Variants in CADM2 observed in about 807,000 individuals in gnomAD.
CADM2 encodes immunoglobulin superfamily member 4D.
A neutral mutation model predicts 49.8 loss-of-function variants in CADM2; 12 were observed. That is an observed-to-expected ratio of 0.24 (90% confidence interval 0.15 to 0.39). The LOEUF (loss-of-function observed/expected upper bound fraction) is 0.39. Among genes scored for constraint, CADM2 ranks in the 10% least tolerant of loss-of-function variants. The pLI is 1.00. For missense variants in CADM2, 378 were observed against 492.3 expected, an observed-to-expected ratio of 0.77 and a Z score of 2.20; for synonymous variants, 214 against 175.4, an observed-to-expected ratio of 1.22 and a Z score of -1.74.
intron 1 of CADM2, among the ~76,000 whole-genome samples, chr3:85,619,538 A>G (rs1484822331): frequency 6.6e-6 from 1 of 152,054 alleles, no homozygotes; most frequent in Non-Finnish European, 1.5e-5. Flanking sequence ...TTGCTACCAT[A>G]TGTTGAATTC....
At chr3:85,592,205 T>G (rs2063126104) in intron 1 of CADM2, among the ~76,000 whole-genome samples, 1 of 151,960 alleles carries the variant, frequency 6.6e-6, no homozygotes, top group Non-Finnish European at 1.5e-5. Context: ...TATTATCTAA[T>G]GCAAACACAA....
At chr3:86,055,451 CTTTTTTTTTT>C (rs57606781) in intron 8 of CADM2, among the ~76,000 whole-genome samples, 17 of 87,502 alleles carry the variant, frequency 1.9e-4, no homozygotes, top group Admixed American at 1.1e-3. Flanking sequence ...GGCATCCCCT[CTTTTTTTTTT>C]TTTTTTTTTT....
chr3:85,639,429 A>G (rs558754548), intron 1 of CADM2, among the ~76,000 whole-genome samples: 1 of 152,296 alleles, frequency 6.6e-6, no homozygotes, highest in South Asian at 2.1e-4. Context: ...AGATACAGGA[A>G]AAGGTGTCAA....
intron 3 of CADM2, among the ~76,000 whole-genome samples, chr3:85,816,760 C>A (rs755885172): frequency 6.6e-6 from 1 of 151,972 alleles, no homozygotes; most frequent in African/African-American, 2.4e-5. Flanking sequence ...ACACACACAG[C>A]GACTCGCTAA....
At chr3:85,835,936 C>G (rs1260816008) in intron 3 of CADM2, among the ~76,000 whole-genome samples, 2 of 150,956 alleles carry the variant, frequency 1.3e-5, no homozygotes, top group African/African-American at 4.9e-5. Flanking sequence ...CTAGTTAATT[C>G]CTGGCTATAA....
intron 2 of CADM2, among the ~76,000 whole-genome samples, chr3:85,741,242 T>A (rs2068371283): frequency 2.0e-5 from 3 of 152,166 alleles, no homozygotes; most frequent in Admixed American, 2.0e-4. Flanking sequence ...ATCGCTGCCC[T>A]GTTTATATTT....
chr3:85,782,610 C>T (rs1193468739), intron 2 of CADM2, among the ~76,000 whole-genome samples: 3 of 148,984 alleles, frequency 2.0e-5, no homozygotes, highest in Non-Finnish European at 3.0e-5. Context: ...GAGCCAAGAT[C>T]GTGCCACTGT....
intron 1 of CADM2, among the ~76,000 whole-genome samples, chr3:85,371,618 A>ACT (rs1553714783): frequency 7.4e-5 from 1 of 13,430 alleles, no homozygotes; most frequent in Non-Finnish European, 2.3e-4. Context: ...GCCACACATC[A>ACT]CTGTGTGTGT....
In CADM2 at chr3:85,389,898, CT is replaced by C. The variant is rs139856099; in HGVS notation, c.62-336623del. Among the ~76,000 whole-genome samples the C allele has an allele frequency of 3.8e-3, 580 of 152,048 alleles. 4 individuals carry two copies. The highest frequency in any genetic ancestry group is 0.012 in the African/African-American group (517 of 41,502). ...TCTACTCTTCCTATTTAATGATTTT[CT>C]GAAGAGAATTGTTGATAAAAGGGCA... On this transcript the variant is annotated intron_variant, in intron 1 of 9. Coordinates refer to ENST00000383699, the MANE Select transcript of CADM2 (RefSeq NM_001167675.2).
chr3:85,631,010 G>C (rs1378475392), intron 1 of CADM2, among the ~76,000 whole-genome samples: 4 of 151,794 alleles, frequency 2.6e-5, no homozygotes, highest in Non-Finnish European at 5.9e-5. Context: ...ACTTGTACCT[G>C]GATTAAAATA....
At chr3:85,119,075 G>C (rs560821603) in intron 1 of CADM2, among the ~76,000 whole-genome samples, 1 of 152,222 alleles carries the variant, frequency 6.6e-6, no homozygotes, top group East Asian at 1.9e-4. Flanking sequence ...CAAATGAAAA[G>C]AATCTCCTTA....
At chr3:86,002,279 C>T (rs17023752) in intron 8 of CADM2, among the ~76,000 whole-genome samples, 2 of 152,114 alleles carry the variant, frequency 1.3e-5, no homozygotes, top group Admixed American at 1.3e-4. Flanking sequence ...TTTGAATCCA[C>T]GGGATCGATG....
intron 1 of CADM2, among the ~76,000 whole-genome samples, chr3:85,221,572 G>C (rs1427688096): frequency 6.6e-6 from 1 of 152,130 alleles, no homozygotes; most frequent in Non-Finnish European, 1.5e-5. Flanking sequence ...TATTTTGGAA[G>C]TTACCCTGTA....
At chr3:85,877,530 C>T (rs552943794) in intron 3 of CADM2, among the ~76,000 whole-genome samples, 10 of 151,904 alleles carry the variant, frequency 6.6e-5, no homozygotes, top group African/African-American at 2.2e-4. Context: ...TTTGGGAAAC[C>T]GTAAGGTAAA....
chr3:85,617,611 C>T lies in CADM2; in HGVS notation c.62-108911C>T, dbSNP rs188569881. Among the ~76,000 whole-genome samples, 419 of 152,288 alleles carry T rather than the reference C, an allele frequency of 2.8e-3. 1 individual carries two copies. The highest frequency in any genetic ancestry group is 9.7e-3 in the African/African-American group (402 of 41,574). The stretch of plus-strand genomic sequence containing the variant: ...ATTGGCTGTTGTTGATCAGCTTAAT[C>T]TTCAGCCTGCCCCCTTTCCTCGGAG... On this transcript the variant is annotated intron_variant, in intron 1 of 9. Coordinates refer to ENST00000383699, the MANE Select transcript of CADM2 (RefSeq NM_001167675.2).
intron 2 of CADM2, among the ~76,000 whole-genome samples, chr3:85,732,812 T>C (rs2067986585): frequency 6.6e-6 from 1 of 152,178 alleles, no homozygotes; most frequent in Non-Finnish European, 1.5e-5. Context: ...TTAAGAAATT[T>C]AAGTTCACAA....
chr3:84,967,460 G>A (rs2031088279), intron 1 of CADM2, among the ~76,000 whole-genome samples: 1 of 152,076 alleles, frequency 6.6e-6, no homozygotes, highest in African/African-American at 2.4e-5. Context: ...GGAGTTGTAG[G>A]CTTAAGTTTA....
At chr3:86,012,551 G>A in intron 8 of CADM2, 1 of 1,482,036 alleles carries the variant, frequency 6.7e-7, no homozygotes, top group African/African-American at 1.4e-5. Context: ...CAGCCAGCGG[G>A]CGGGCGAAGA....
chr3:85,112,225 C>T (rs1012404948), intron 1 of CADM2, among the ~76,000 whole-genome samples: 2 of 151,856 alleles, frequency 1.3e-5, no homozygotes, highest in Non-Finnish European at 2.9e-5. Context: ...TTCTCATCAG[C>T]ATTCCACTGG....
Sources: allele counts gnomAD v4.1 joint callset (sites outside exome capture counted in the v4.1 genomes callset), GRCh38; gene constraint gnomAD v4.1.1; transcripts MANE v1.5; gene names NCBI Gene and HGNC (gene_info 2026-07-23, HGNC 2026-07-21).